Variants in BRINP3 observed in about 807,000 individuals in gnomAD.
The protein encoded by BRINP3 is BMP/retinoic acid inducible neural specific 3.
BRINP3 carries 19 observed loss-of-function variants against 71.0 expected under a neutral mutation model. That is an observed-to-expected ratio of 0.27 (90% CI 0.19 to 0.39). The LOEUF (loss-of-function observed/expected upper bound fraction) is 0.39, where lower values mean the gene tolerates loss of function less well. Among genes scored for constraint, BRINP3 ranks in the 10% least tolerant of loss-of-function variants. The pLI, the probability that BRINP3 is intolerant of heterozygous loss-of-function variation, is 1.00. For synonymous variants in BRINP3, 380 were observed against 337.7 expected (o/e 1.13, Z -1.37); for missense variants, 959 against 940.8 (o/e 1.02, Z -0.25).
intron 4 of BRINP3, among the ~76,000 whole-genome samples, chr1:190,251,196 CTG>C (rs1660109616): frequency 6.6e-6 from 1 of 151,834 alleles, no homozygotes; most frequent in African/African-American, 2.4e-5. Flanking sequence ...AGTTATTTTT[CTG>C]TGTTAGAGCT....
chr1:190,122,166 C>T (rs996645226), intron 7 of BRINP3, among the ~76,000 whole-genome samples: 7 of 151,996 alleles, frequency 4.6e-5, no homozygotes, highest in African/African-American at 1.7e-4. Flanking sequence ...CATTTTCTGC[C>T]ATCGGATCCA....
intron 2 of BRINP3, among the ~76,000 whole-genome samples, chr1:190,408,809 C>G (rs1359499668): frequency 6.6e-6 from 1 of 152,168 alleles, no homozygotes; most frequent in Non-Finnish European, 1.5e-5. Flanking sequence ...ATTAAGCTGT[C>G]AACCTCCAGA....
At chr1:190,439,532 C>T (rs566694895) in intron 2 of BRINP3, among the ~76,000 whole-genome samples, 59 of 151,112 alleles carry the variant, frequency 3.9e-4, no homozygotes, top group Admixed American at 6.6e-4. Context: ...TGTAAGAGTA[C>T]GTGTGTGTGT....
intron 6 of BRINP3, among the ~76,000 whole-genome samples, chr1:190,199,193 A>G (rs957032013): frequency 6.6e-6 from 1 of 152,116 alleles, no homozygotes; most frequent in Admixed American, 6.6e-5. Flanking sequence ...CCATCATTCA[A>G]TTACCTCCCA....
At chr1:190,211,541 G>A (rs955965222) in intron 6 of BRINP3, among the ~76,000 whole-genome samples, 3 of 152,052 alleles carry the variant, frequency 2.0e-5, no homozygotes, top group African/African-American at 7.2e-5. Flanking sequence ...GATATAATAT[G>A]ATAGGTAATG....
At chr1:190,127,408 T>C (rs2102338820) in intron 7 of BRINP3, among the ~76,000 whole-genome samples, 2 of 152,040 alleles carry the variant, frequency 1.3e-5, no homozygotes, top group Non-Finnish European at 2.9e-5. Context: ...TAAAACATTT[T>C]GTAAAAGATC....
intron 7 of BRINP3, among the ~76,000 whole-genome samples, chr1:190,134,567 T>C (rs1654819654): frequency 6.6e-6 from 1 of 152,098 alleles, no homozygotes; most frequent in Non-Finnish European, 1.5e-5. Context: ...GGAAGACATA[T>C]AATTATTCTG....
chr1:190,393,807 A>G (rs1671404755), intron 2 of BRINP3, among the ~76,000 whole-genome samples: 1 of 151,634 alleles, frequency 6.6e-6, no homozygotes, highest in Non-Finnish European at 1.5e-5. Context: ...TTATGCTAAA[A>G]TGGATGTTAT....
intron 6 of BRINP3, among the ~76,000 whole-genome samples, chr1:190,219,251 AC>A (rs1656669668): frequency 6.6e-6 from 1 of 152,106 alleles, no homozygotes; most frequent in East Asian, 1.9e-4. Context: ...CCTCAAAAAG[AC>A]AGAACAAAAA....
chr1:190,445,141 G>T (rs1281410135), intron 2 of BRINP3, among the ~76,000 whole-genome samples: 7 of 151,484 alleles, frequency 4.6e-5, no homozygotes, highest in Admixed American at 2.6e-4. Context: ...TTACTTTGGG[G>T]AAATTAAAAA....
At chr1:190,139,350 G>A (rs1029101395) in intron 7 of BRINP3, among the ~76,000 whole-genome samples, 1 of 151,102 alleles carries the variant, frequency 6.6e-6, no homozygotes, top group Non-Finnish European at 1.5e-5. Context: ...TACCTGGGAG[G>A]CTTAAGCGGG....
chr1:190,207,310 G>A (rs913379910), intron 6 of BRINP3, among the ~76,000 whole-genome samples: 41 of 152,140 alleles, frequency 2.7e-4, no homozygotes, highest in African/African-American at 9.1e-4. Flanking sequence ...TAGCCAGTGC[G>A]ACAAATTTGG....
intron 6 of BRINP3, among the ~76,000 whole-genome samples, chr1:190,186,189 A>G (rs902083991): frequency 1.3e-5 from 2 of 152,050 alleles, no homozygotes; most frequent in Non-Finnish European, 2.9e-5. Flanking sequence ...CAGCCTGGCC[A>G]ACATGCTGAA....
Position 190,378,761 on chromosome 1 carries a change from T to C in BRINP3, c.236+75894A>G, listed in dbSNP as rs548732320. ...GGCTAGAACCAGAATAATGGTCCCC[T>C]CCAATGCAACAGTGAGTCAAGTTTG... On this transcript the variant is annotated intron_variant, in intron 2 of 7. Coordinates refer to ENST00000367462, the MANE Select transcript of BRINP3 (RefSeq NM_199051.3). 5.3e-5 allele frequency among the ~76,000 whole-genome samples: 8 copies of C among 152,244 alleles called. No homozygotes were observed. In the South Asian group the frequency reaches 1.2e-3, roughly 24 times the overall value.
intron 7 of BRINP3, among the ~76,000 whole-genome samples, chr1:190,124,955 C>T (rs1653967213): frequency 6.6e-6 from 1 of 151,964 alleles, no homozygotes; most frequent in Admixed American, 6.6e-5. Context: ...TTAATTAGAT[C>T]AGCATTTGCA....
chr1:190,412,035 C>T (rs1672701380), intron 2 of BRINP3, among the ~76,000 whole-genome samples: 1 of 152,036 alleles, frequency 6.6e-6, no homozygotes, highest in Admixed American at 6.6e-5. Context: ...CTATGTTTGA[C>T]ATGCTTCTCC....
chr1:190,380,085 A>G (rs1670453739), intron 2 of BRINP3, among the ~76,000 whole-genome samples: 1 of 152,128 alleles, frequency 6.6e-6, no homozygotes. Flanking sequence ...TACATTCCTA[A>G]GAAATCACCT....
chr1:190,473,485 G>A (rs1447395612), intron 1 of BRINP3, among the ~76,000 whole-genome samples: 2 of 148,836 alleles, frequency 1.3e-5, no homozygotes, highest in Non-Finnish European at 3.0e-5. Context: ...TTAGAGAAGA[G>A]AAAGTGTTAT....
intron 6 of BRINP3, among the ~76,000 whole-genome samples, chr1:190,190,285 C>T (rs1653919774): frequency 1.3e-5 from 2 of 152,092 alleles, no homozygotes; most frequent in African/African-American, 2.4e-5. Flanking sequence ...GCTCATTTCC[C>T]TTCTCTTTTC....
Sources: allele counts gnomAD v4.1 joint callset (sites outside exome capture counted in the v4.1 genomes callset), GRCh38; gene constraint gnomAD v4.1.1; transcripts MANE v1.5; gene names NCBI Gene and HGNC (gene_info 2026-07-23, HGNC 2026-07-21).